The following DMXL1 variants were observed in gnomAD, a reference collection of about 807,000 sequenced individuals.
DMXL1 encodes the protein dmX-like protein 1.
In DMXL1, 99 loss-of-function variants were observed where a neutral mutation model predicts 319.2. The observed-to-expected ratio is 0.31, with a 90% CI of 0.26 to 0.37. The LOEUF is 0.37. Ranked by LOEUF, DMXL1 falls within the 10% of genes least tolerant of loss-of-function variation. The pLI is 1.00. For missense variants in DMXL1, 3,745 were observed against 3,595.6 expected, an observed-to-expected ratio of 1.04 and a Z score of -1.06; for synonymous variants, 1,385 against 1,235.2, an observed-to-expected ratio of 1.12 and a Z score of -2.54.
chr5:119,110,799 T>C lies in DMXL1; in HGVS notation c.497+516T>C, dbSNP rs568310425. Among the ~76,000 whole-genome samples, 18 of 152,316 alleles carry C rather than the reference T, an allele frequency of 1.2e-4. 1 individual carries two copies. The South Asian group carries it at 3.7e-3, about 32-fold the overall frequency. ...CCACAGATGATCAAGCATTTTGTTA[T>C]TGATGTAGGAACAGACAGATTAGGA... On this transcript the variant is annotated intron_variant, in intron 5 of 43. Transcript: ENST00000539542.
rs775131101 is a variant in DMXL1, at chr5:119,171,129, G to C, written c.6338G>C (p.Arg2113Thr). The C allele has an allele frequency of 6.2e-7, 1 of 1,613,902 alleles. No individual in the cohort carries two copies. The highest frequency in any genetic ancestry group is 1.7e-5 in the Admixed American group (1 of 60,004). The change falls in exon 24 of 44, where the codon AGA (arginine) becomes ACA (threonine). Residue 2113 changes from arginine (R) to threonine (T), a missense_variant. Coordinates refer to ENST00000539542, the MANE Select transcript of DMXL1 (RefSeq NM_001290321.3). Reference protein sequence around the residue: ...LPHQTKVKQLRENFQEKRQWL... With the variant: ...LPHQTKVKQLTENFQEKRQWL... Reference sequence around the variant, plus strand: ...CACCAAACAAAAGTGAAACAACTGAGAGAAAATTTTCAGGAAAAAAGACAG... The same window carrying C: ...CACCAAACAAAAGTGAAACAACTGACAGAAAATTTTCAGGAAAAAAGACAG...
chr5:119,203,947 C>A (rs1781285764), intron 33 of DMXL1, among the ~76,000 whole-genome samples: 1 of 152,154 alleles, frequency 6.6e-6, no homozygotes, highest in South Asian at 2.1e-4. Flanking sequence ...CTCAGCCTCC[C>A]GAGTAGCTGG....
At chr5:119,145,801 A>T (rs1768395319) in intron 15 of DMXL1, among the ~76,000 whole-genome samples, 1 of 151,732 alleles carries the variant, frequency 6.6e-6, no homozygotes, top group Non-Finnish European at 1.5e-5. Flanking sequence ...TCATTATTAG[A>T]GTTTCCTAGA....
intron 28 of DMXL1, among the ~76,000 whole-genome samples, chr5:119,179,400 G>A (rs570477577): frequency 2.6e-5 from 4 of 151,116 alleles, no homozygotes; most frequent in South Asian, 2.1e-4. Flanking sequence ...CTTCCCTGAC[G>A]TTTACACTGA....
chr5:119,115,179 G>A (rs968946984), intron 6 of DMXL1, among the ~76,000 whole-genome samples: 3 of 152,124 alleles, frequency 2.0e-5, no homozygotes, highest in African/African-American at 7.2e-5. Context: ...GTCATTAATC[G>A]TAGGATTAAT....
chr5:119,233,147 C>A (rs1223683820), intron 38 of DMXL1, among the ~76,000 whole-genome samples, 193 bp from the exon 39 acceptor site: 1 of 151,994 alleles, frequency 6.6e-6, no homozygotes, highest in African/African-American at 2.4e-5. Context: ...AGGATGTGTT[C>A]TTAGTCAAAT....
At chr5:119,152,633 T>C (rs1770068456) in intron 19 of DMXL1, among the ~76,000 whole-genome samples, 1 of 152,244 alleles carries the variant, frequency 6.6e-6, no homozygotes. Context: ...AATAGATTCT[T>C]ATTAAACGAT....
At chr5:119,110,534 C>G (rs780318143) in intron 5 of DMXL1, among the ~76,000 whole-genome samples, 2 of 152,060 alleles carry the variant, frequency 1.3e-5, no homozygotes, top group Non-Finnish European at 2.9e-5. Flanking sequence ...TACAAACTTG[C>G]CAAATTATAT....
Position 119,098,095 on chromosome 5 carries a change from A to T in DMXL1, c.204A>T (p.Gln68His). Residue 68 changes from glutamine (Q) to histidine (H), a missense_variant, in exon 2 of 44, where the codon CAA becomes CAT. Around this residue, in one of 4 missense-constraint regions of DMXL1, gnomAD observed 2,096 missense variants for 1,985.4 expected, o/e 1.06. Transcript: ENST00000539542. The stretch of plus-strand genomic sequence containing the variant: ...TGGGATGTGTAGACTGTTCAATGCA[A>T]CAAGGCAAGGTTTGTAATCTTCTTC... Reference protein sequence around the residue: ...IQVGCVDCSMQQGKIAASYGN... With the variant: ...IQVGCVDCSMHQGKIAASYGN... 1 of 1,597,176 alleles carries T rather than the reference A, an allele frequency of 6.3e-7. No individual in the cohort carries two copies. The highest frequency in any genetic ancestry group is 8.5e-7 in the Non-Finnish European group (1 of 1,175,490).
At chr5:119,131,678 T>C (rs995398082) in intron 10 of DMXL1, among the ~76,000 whole-genome samples, 3 of 152,226 alleles carry the variant, frequency 2.0e-5, no homozygotes, top group Non-Finnish European at 2.9e-5. Context: ...AACATCTGCA[T>C]TGAGAAGCCA....
At chr5:119,094,808 G>C (rs1418110901) in intron 1 of DMXL1, among the ~76,000 whole-genome samples, 2 of 151,058 alleles carry the variant, frequency 1.3e-5, no homozygotes. Flanking sequence ...ACTTTGAGGG[G>C]TTCAAGTCTT....
chr5:119,109,007 G>T (rs114845509), intron 4 of DMXL1, among the ~76,000 whole-genome samples: 5 of 150,884 alleles, frequency 3.3e-5, no homozygotes, highest in African/African-American at 1.2e-4. Context: ...CTCCATGTTG[G>T]TCAGGTTAAT....
At chr5:119,132,997 A>T in intron 10 of DMXL1, 135 bp from the exon 11 acceptor site, 2 of 816,482 alleles carry the variant, frequency 2.4e-6, no homozygotes, top group Non-Finnish European at 1.9e-6. Flanking sequence ...GGTGTGGCGG[A>T]AGGGGTACAG....
At chr5:119,093,497 G>C (rs1002114328) in intron 1 of DMXL1, among the ~76,000 whole-genome samples, 4 of 152,114 alleles carry the variant, frequency 2.6e-5, no homozygotes, top group African/African-American at 9.7e-5. Flanking sequence ...TATTGTAATG[G>C]TTGTGGAATG....
intron 33 of DMXL1, among the ~76,000 whole-genome samples, chr5:119,204,092 G>T (rs890837819): frequency 3.2e-4 from 49 of 152,044 alleles, no homozygotes; most frequent in African/African-American, 1.0e-3. Flanking sequence ...AAAGTGCTAG[G>T]ATTACAGGTG....
At position 119,180,567 on chromosome 5, in the gene DMXL1, T is replaced by C. The variant is rs141623945; in HGVS notation, c.7135+2323T>C. Among the ~76,000 whole-genome samples, 292 of 152,338 alleles carry C rather than the reference T, an allele frequency of 1.9e-3. 2 individuals are homozygous for C. The highest frequency in any genetic ancestry group is 0.014 in the Middle Eastern group (4 of 294). ...AGATTTCATATGCAAATTTACCTTA[T>C]TTGCCAAGTTTACCTTTGCTTATTA... On this transcript the variant is annotated intron_variant, in intron 28 of 43. Transcript: ENST00000539542.
intron 1 of DMXL1, among the ~76,000 whole-genome samples, chr5:119,071,882 G>T (rs1242849559): frequency 2.6e-5 from 4 of 152,156 alleles, no homozygotes; most frequent in African/African-American, 9.7e-5. Flanking sequence ...TATTTTGTAG[G>T]ATTTTTAAAG....
intron 10 of DMXL1, among the ~76,000 whole-genome samples, chr5:119,132,298 A>G (rs907951536): frequency 8.5e-5 from 13 of 152,226 alleles, no homozygotes; most frequent in African/African-American, 3.1e-4. Flanking sequence ...ATGTTTAATA[A>G]AAGTATTATT....
At chr5:119,203,539 C>A in intron 33 of DMXL1, 103 bp downstream of exon 33, 2 of 572,560 alleles carry the variant, frequency 3.5e-6, no homozygotes, top group Non-Finnish European at 2.9e-6. Flanking sequence ...TTTGAAAACA[C>A]GTATCATAAA....
Sources: allele counts gnomAD v4.1 joint callset (sites outside exome capture counted in the v4.1 genomes callset), GRCh38; gene constraint gnomAD v4.1.1; regional missense constraint gnomAD v4.1.1; transcripts MANE v1.5; gene names NCBI Gene and HGNC (gene_info 2026-07-23, HGNC 2026-07-21).